Variants in ACSM2A observed in about 807,000 individuals in gnomAD.
ACSM2A encodes the protein acyl-coenzyme A synthetase ACSM2A, mitochondrial.
A neutral mutation model predicts 76.6 loss-of-function variants in ACSM2A; 72 were observed. That is an observed-to-expected ratio of 0.94 (90% CI 0.78 to 1.14). The LOEUF (loss-of-function observed/expected upper bound fraction) is 1.14, where lower values mean the gene tolerates loss of function less well. Among genes scored for constraint, ACSM2A ranks in the 50% most tolerant of loss-of-function variants. The pLI is 0.00. For synonymous variants in ACSM2A, 249 were observed against 255.9 expected (o/e 0.97, Z 0.26); for missense variants, 684 against 708.5 (o/e 0.97, Z 0.39).
In ACSM2A at chr16:20,486,840, T is replaced by C. The variant is rs2014407730; in HGVS notation, c.*162T>C. The C allele has an allele frequency of 4.8e-6, 4 of 837,324 alleles. No homozygotes were observed. Among genetic ancestry groups the C allele is most frequent in the Non-Finnish European group, 5.6e-6 (3 of 536,082 alleles). 51.9% of individuals were successfully genotyped at this position (837,324 alleles called of 1,614,324 possible). On this transcript the variant is annotated 3_prime_UTR_variant, in exon 14 of 14. Transcript: ENST00000573854. ...GCACAAAACTTTACCATGTTAGATG[T>C]TGAAAGAAGAAAGGGAAGGAATGAG...
intron 6 of ACSM2A, among the ~76,000 whole-genome samples, chr16:20,475,139 G>A (rs1159548030): frequency 6.6e-6 from 1 of 152,170 alleles, no homozygotes; most frequent in Non-Finnish European, 1.5e-5. Context: ...ATTAGCCTTA[G>A]ACTTTTTCAC....
At chr16:20,471,794 C>G in intron 6 of ACSM2A, 105 bp downstream of exon 6, 1 of 1,535,478 alleles carries the variant, frequency 6.5e-7, no homozygotes, top group Non-Finnish European at 8.8e-7. Flanking sequence ...TGCTAAACCC[C>G]TGCCATGTGG....
rs1377518530 is a variant in ACSM2A at position 20,486,553 on chromosome 16, G to T, written c.1630-21G>T. ...CTGTCGTCACAGATCACCCACCCTG[G>T]ACTGATTTGTTTTTCAACAGATAGA... On this transcript the variant is annotated intron_variant, in intron 13 of 13. Transcript: ENST00000573854. The T allele has an allele frequency of 3.1e-6, 5 of 1,613,322 alleles. No individual in the cohort carries two copies. In the African/African-American group the frequency reaches 6.7e-5, roughly 22 times the overall value.
intron 12 of ACSM2A, 26 bp from the exon 13 acceptor site, chr16:20,483,032 C>A (rs754041769): frequency 3.8e-5 from 61 of 1,612,378 alleles, no homozygotes; most frequent in Middle Eastern, 3.3e-4. Flanking sequence ...CTAATCCCTT[C>A]TCTCTGGCCT....
At chr16:20,485,670 T>A (rs147647450) in intron 13 of ACSM2A, among the ~76,000 whole-genome samples, 77 of 152,346 alleles carry the variant, frequency 5.1e-4, no homozygotes, top group Admixed American at 2.0e-3. Context: ...TGACCTCTCC[T>A]CCATTTCATT....
At chr16:20,465,380 A>G (rs2012922709) in intron 2 of ACSM2A, 137 bp from the exon 3 acceptor site, 1 of 1,173,214 alleles carries the variant, frequency 8.5e-7, no homozygotes, top group Non-Finnish European at 1.2e-6. Context: ...AGAATTTTCA[A>G]TACCTTTTAA....
At chr16:20,481,042 C>G (rs2014054612) in intron 12 of ACSM2A, 121 bp downstream of exon 12, 1 of 1,236,872 alleles carries the variant, frequency 8.1e-7, no homozygotes, top group Non-Finnish European at 1.1e-6. Context: ...GGCCCTGCCA[C>G]TTACTAGCTA....
In ACSM2A at chr16:20,472,407, T is replaced by C. The variant is rs7204880; in HGVS notation, c.894+718T>C. On this transcript the variant is annotated intron_variant, in intron 6 of 13. Coordinates refer to ENST00000573854, the MANE Select transcript of ACSM2A (RefSeq NM_001308172.2). Reference sequence around the variant, plus strand: ...GACAGTGCTGGTATATCTTCCTTTTTACAAATAAAGGCACTCATGCTATCA... The same window carrying C: ...GACAGTGCTGGTATATCTTCCTTTTCACAAATAAAGGCACTCATGCTATCA... Among the ~76,000 whole-genome samples the C allele has an allele frequency of 1.0e-2, 1,520 of 152,282 alleles. 23 individuals carry two copies. Among genetic ancestry groups the C allele is most frequent in the African/African-American group, 0.035 (1,435 of 41,544 alleles).
chr16:20,466,647 G>A (rs1443688237), intron 3 of ACSM2A, among the ~76,000 whole-genome samples: 12 of 152,328 alleles, frequency 7.9e-5, no homozygotes, highest in African/African-American at 2.9e-4. Context: ...GAAAACATGG[G>A]TTGAAGCTGT....
Position 20,467,494 on chromosome 16 carries a change from C to T in ACSM2A, c.388+1767C>T, listed in dbSNP as rs112234452. Among the ~76,000 whole-genome samples, 1,483 of 152,064 alleles carry T rather than the reference C, an allele frequency of 9.8e-3. 23 individuals are homozygous for T. The highest frequency in any genetic ancestry group is 0.042 in the South Asian group (203 of 4,810). The stretch of plus-strand genomic sequence containing the variant: ...TGGAAATCTCAGATAAGAGGTGAAG[C>T]GATGGTGATGGCTTCAGTTTCGTTG... On this transcript the variant is annotated intron_variant, in intron 3 of 13. Transcript: ENST00000573854.
chr16:20,468,685 T>C (rs1269469149), intron 3 of ACSM2A, among the ~76,000 whole-genome samples: 1 of 152,196 alleles, frequency 6.6e-6, no homozygotes, highest in African/African-American at 2.4e-5. Context: ...CTACAGAATA[T>C]TTTAATAATC....
At chr16:20,459,351 T>A (rs1220439615) in intron 1 of ACSM2A, among the ~76,000 whole-genome samples, 1 of 152,210 alleles carries the variant, frequency 6.6e-6, no homozygotes, top group Non-Finnish European at 1.5e-5. Flanking sequence ...GGATAGGACC[T>A]GGGATTTAGG....
At position 20,477,298 on chromosome 16, in the gene ACSM2A, G is replaced by A; in HGVS notation, c.1099-71G>A. ...GGACAGTGTCAGGACCTGCTCTGCA[G>A]AAATTTTTTCTTTTTCTGTGACCTT... On this transcript the variant is annotated intron_variant, in intron 8 of 13. Transcript: ENST00000573854. 11 of 1,567,664 alleles carry A rather than the reference G, an allele frequency of 7.0e-6. No homozygotes were observed. The South Asian group carries it at 1.4e-4, about 19-fold the overall frequency.
intron 6 of ACSM2A, among the ~76,000 whole-genome samples, chr16:20,472,898 T>C (rs569317768): frequency 6.6e-6 from 1 of 152,294 alleles, no homozygotes; most frequent in East Asian, 1.9e-4. Context: ...GAACTTTGGG[T>C]TATTTCCAAT....
At chr16:20,474,332 T>G in intron 6 of ACSM2A, 1 of 193,580 alleles carries the variant, frequency 5.2e-6, no homozygotes, top group South Asian at 8.3e-5. Context: ...AATGGATTAA[T>G]GGGTTATCCT....
chr16:20,464,494 C>T (rs1333238288), intron 2 of ACSM2A, among the ~76,000 whole-genome samples: 3 of 152,088 alleles, frequency 2.0e-5, no homozygotes, highest in Admixed American at 6.5e-5. Context: ...AAAGAGCAGG[C>T]ACAATAAAGG....
intron 2 of ACSM2A, among the ~76,000 whole-genome samples, chr16:20,464,094 T>C (rs1297580809): frequency 6.6e-6 from 1 of 152,220 alleles, no homozygotes; most frequent in African/African-American, 2.4e-5. Flanking sequence ...CTTATTTGCA[T>C]TTGAAATCTG....
At chr16:20,457,106 G>C (rs1345254474) in intron 1 of ACSM2A, among the ~76,000 whole-genome samples, 3 of 151,970 alleles carry the variant, frequency 2.0e-5, no homozygotes, top group South Asian at 2.1e-4. Flanking sequence ...AAGTCAGGAA[G>C]AATTAGAAAG....
intron 5 of ACSM2A, 144 bp from the exon 6 acceptor site, chr16:20,471,392 C>T: frequency 1.4e-6 from 2 of 1,479,664 alleles, no homozygotes; most frequent in Non-Finnish European, 1.8e-6. Flanking sequence ...CCTACTTATA[C>T]ATAGACATAT....
Sources: gnomAD v4.1 joint callset for allele counts (sites outside exome capture counted in the v4.1 genomes callset) on GRCh38, gnomAD v4.1.1 for gene constraint, MANE v1.5 for transcripts, NCBI Gene and HGNC (gene_info 2026-07-23, HGNC 2026-07-21) for gene names.